The following C8orf34 variants were observed in gnomAD, a reference collection of about 807,000 sequenced individuals.
The protein encoded by C8orf34 is uncharacterized protein C8orf34.
Under a neutral mutation model 68.3 loss-of-function variants are expected in C8orf34, and 65 were observed. The ratio of observed to expected loss-of-function variants is 0.95; its 90% confidence interval spans 0.78 to 1.17. The LOEUF (loss-of-function observed/expected upper bound fraction) is 1.17. C8orf34 is among the 50% of genes most tolerant of loss of function. The pLI, the probability that C8orf34 is intolerant of heterozygous loss-of-function variation, is 0.00. For synonymous variants in C8orf34, 244 were observed against 241.2 expected, an observed-to-expected ratio of 1.01 and a Z score of -0.11; for missense variants, 664 against 655.4, an observed-to-expected ratio of 1.01 and a Z score of -0.14.
intron 6 of C8orf34, among the ~76,000 whole-genome samples, chr8:68,528,742 C>T (rs1367795367): frequency 3.3e-5 from 5 of 152,194 alleles, no homozygotes; most frequent in Admixed American, 6.5e-5. Flanking sequence ...ATGATGACTT[C>T]ACATTTTTCC....
chr8:68,489,404 A>C (rs1340560185), intron 5 of C8orf34, among the ~76,000 whole-genome samples: 1 of 152,184 alleles, frequency 6.6e-6, no homozygotes, highest in Non-Finnish European at 1.5e-5. Flanking sequence ...TGGGGCAAGA[A>C]ATGTTTTGAA....
chr8:68,717,101 G>A (rs1460624092), intron 9 of C8orf34, among the ~76,000 whole-genome samples: 3 of 151,950 alleles, frequency 2.0e-5, no homozygotes, highest in African/African-American at 7.2e-5. Context: ...AACTGAAATG[G>A]CAGTTGGTTC....
chr8:68,481,849 A>G (rs1563475643), intron 4 of C8orf34, among the ~76,000 whole-genome samples: 1 of 152,196 alleles, frequency 6.6e-6, no homozygotes, highest in Non-Finnish European at 1.5e-5. Flanking sequence ...CATATGTAGA[A>G]GGGACTTGCC....
chr8:68,348,219 G>GT (rs1252293477), intron 1 of C8orf34, among the ~76,000 whole-genome samples: 4 of 151,914 alleles, frequency 2.6e-5, no homozygotes, highest in South Asian at 2.1e-4. Context: ...TGAATAGGGA[G>GT]TTTTTTTCCC....
chr8:68,468,291 G>A (rs1054570556), intron 3 of C8orf34, among the ~76,000 whole-genome samples: 5 of 151,976 alleles, frequency 3.3e-5, no homozygotes, highest in African/African-American at 9.7e-5. Context: ...AGATAAATAC[G>A]TATATTTAGC....
At chr8:68,475,771 G>T (rs1472065472) in intron 4 of C8orf34, among the ~76,000 whole-genome samples, 2 of 152,218 alleles carry the variant, frequency 1.3e-5, no homozygotes, top group African/African-American at 4.8e-5. Flanking sequence ...AGGGTGGCAG[G>T]GTTTCCAGTG....
At chr8:68,810,306 C>T (rs1038443383) in intron 12 of C8orf34, among the ~76,000 whole-genome samples, 12 of 152,190 alleles carry the variant, frequency 7.9e-5, no homozygotes, top group Non-Finnish European at 1.5e-4. Context: ...GGTGCCAGCA[C>T]GGACATTGTC....
At chr8:68,581,849 G>T (rs922898777) in intron 7 of C8orf34, among the ~76,000 whole-genome samples, 2 of 152,048 alleles carry the variant, frequency 1.3e-5, no homozygotes, top group African/African-American at 4.8e-5. Context: ...CATCTCGTTG[G>T]CAGAACCAAA....
rs77987482 is a variant in C8orf34 at position 68,601,515 on chromosome 8, C to T, written c.1106-38861C>T. 5.8e-3 allele frequency among the ~76,000 whole-genome samples: 879 copies of T among 152,110 alleles called. 10 individuals carry two copies. Among genetic ancestry groups the T allele is most frequent in the African/African-American group, 0.019 (796 of 41,524 alleles). ...ATCTCCACTCTACTGTTGAATCCATCCTGTAAGTTTTTAAAAATTATTTTC... is the reference window on the plus strand; with the variant it reads ...ATCTCCACTCTACTGTTGAATCCATTCTGTAAGTTTTTAAAAATTATTTTC... On this transcript the variant is annotated intron_variant, in intron 7 of 13. Coordinates refer to ENST00000518698, the MANE Select transcript of C8orf34 (RefSeq NM_052958.4).
At chr8:68,753,067 G>T (rs567597231) in intron 10 of C8orf34, among the ~76,000 whole-genome samples, 1 of 152,202 alleles carries the variant, frequency 6.6e-6, no homozygotes, top group South Asian at 2.1e-4. Context: ...GTGAAGCTCT[G>T]TATTGCCACA....
intron 1 of C8orf34, among the ~76,000 whole-genome samples, chr8:68,422,924 C>T (rs531472724): frequency 6.6e-6 from 1 of 152,206 alleles, no homozygotes; most frequent in African/African-American, 2.4e-5. Flanking sequence ...GAAACAAAGC[C>T]CCGAGCTATA....
chr8:68,523,280 A>C (rs1814836470), intron 6 of C8orf34, among the ~76,000 whole-genome samples: 1 of 152,180 alleles, frequency 6.6e-6, no homozygotes, highest in African/African-American at 2.4e-5. Context: ...TTTAGTTCTT[A>C]AATGTAAAAT....
intron 1 of C8orf34, among the ~76,000 whole-genome samples, chr8:68,369,856 C>G (rs1441800159): frequency 1.3e-5 from 2 of 152,208 alleles, no homozygotes; most frequent in Non-Finnish European, 2.9e-5. Context: ...ATCATTGGAT[C>G]TACTGGAGCA....
chr8:68,564,014 A>C (rs1005129876), intron 7 of C8orf34, among the ~76,000 whole-genome samples: 9 of 152,236 alleles, frequency 5.9e-5, no homozygotes, highest in Admixed American at 5.9e-4. Flanking sequence ...TCTGTACTTT[A>C]TTTAAATTTC....
intron 1 of C8orf34, among the ~76,000 whole-genome samples, chr8:68,351,878 G>A (rs559813103): frequency 6.6e-6 from 1 of 152,010 alleles, no homozygotes; most frequent in Non-Finnish European, 1.5e-5. Flanking sequence ...TCAGTGTTCT[G>A]TATTTTGACC....
intron 10 of C8orf34, among the ~76,000 whole-genome samples, chr8:68,739,250 G>C (rs996848192): frequency 6.6e-6 from 1 of 152,042 alleles, no homozygotes; most frequent in Non-Finnish European, 1.5e-5. Context: ...ACCCCTTTAT[G>C]TTAAAAACTC....
At chr8:68,737,179 G>C (rs1027659873) in intron 10 of C8orf34, among the ~76,000 whole-genome samples, 4 of 152,074 alleles carry the variant, frequency 2.6e-5, no homozygotes, top group Non-Finnish European at 4.4e-5. Flanking sequence ...GCCTAAGGCA[G>C]TATGCCCTTA....
intron 5 of C8orf34, among the ~76,000 whole-genome samples, chr8:68,497,038 A>G (rs549734321): frequency 6.6e-6 from 1 of 152,330 alleles, no homozygotes; most frequent in Non-Finnish European, 1.5e-5. Flanking sequence ...GTTGTGGTCC[A>G]TGTTTGTCTT....
At chr8:68,479,823 G>C (rs17468697) in intron 4 of C8orf34, among the ~76,000 whole-genome samples, 3,199 of 152,306 alleles carry the variant, frequency 0.021, 49 homozygotes, top group Middle Eastern at 0.037. Context: ...AAATGAATGC[G>C]CTGGTTAATC....
Sources: gnomAD v4.1 joint callset for allele counts (sites outside exome capture counted in the v4.1 genomes callset) on GRCh38, gnomAD v4.1.1 for gene constraint, MANE v1.5 for transcripts, NCBI Gene and HGNC (gene_info 2026-07-23, HGNC 2026-07-21) for gene names.